The following EPB41L4B variants were observed in gnomAD, a reference collection of about 807,000 sequenced individuals.
The protein encoded by EPB41L4B is band 4.1-like protein 4B.
Under a neutral mutation model 112.5 loss-of-function variants are expected in EPB41L4B, and 30 were observed. That is an observed-to-expected ratio of 0.27 (90% CI 0.20 to 0.36). The LOEUF (loss-of-function observed/expected upper bound fraction) is 0.36, where lower values mean the gene tolerates loss of function less well. Among genes scored for constraint, EPB41L4B ranks in the 10% least tolerant of loss-of-function variants. EPB41L4B has a pLI of 1.00. For synonymous variants in EPB41L4B, 408 were observed against 439.7 expected, an observed-to-expected ratio of 0.93 and a Z score of 0.90; for missense variants, 1,024 against 1,133.3, an observed-to-expected ratio of 0.90 and a Z score of 1.38.
chr9:109,267,475 T>C lies in EPB41L4B; in HGVS notation c.531A>G (p.Thr177=). Reference sequence around the variant, plus strand: ...GCTTGTTCTGCATCGTGGCCTACCTTGTAAACTCCTCACGAAGGTTGTTTG... The same window carrying C: ...GCTTGTTCTGCATCGTGGCCTACCTCGTAAACTCCTCACGAAGGTTGTTTG... ...SEPNNLREEF[T]RYLFVLQLRH... The change falls in exon 4 of 26, where the codon ACA becomes ACG. Residue 177 remains threonine, a splice_region_variant and synonymous_variant. Coordinates refer to ENST00000374566, the MANE Select transcript of EPB41L4B (RefSeq NM_019114.5). The C allele has an allele frequency of 6.2e-7, 1 of 1,611,236 alleles. No individual in the cohort carries two copies. Among genetic ancestry groups the C allele is most frequent in the Non-Finnish European group, 8.5e-7 (1 of 1,177,592 alleles).
At chr9:109,253,191 G>A (rs914582949) in intron 12 of EPB41L4B, among the ~76,000 whole-genome samples, 6 of 152,154 alleles carry the variant, frequency 3.9e-5, no homozygotes, top group African/African-American at 1.4e-4. Context: ...AAGAAGCAAA[G>A]AGGCACATGG....
In EPB41L4B at chr9:109,250,459, A is replaced by C. The variant is rs528889901; in HGVS notation, c.1310+1022T>G. On this transcript the variant is annotated intron_variant, in intron 13 of 25. Coordinates refer to ENST00000374566, the MANE Select transcript of EPB41L4B (RefSeq NM_019114.5). ...TTGAGACCTGCGCCTGGGATGACTG[A>C]GAGCCTAATGAACCTGGCCTACCTA... Among the ~76,000 whole-genome samples the C allele has an allele frequency of 1.4e-4, 22 of 152,328 alleles. 1 individual carries two copies. The South Asian group carries it at 4.4e-3, about 30-fold the overall frequency.
intron 15 of EPB41L4B, chr9:109,240,718 A>G (rs1834324841): frequency 1.0e-6 from 1 of 985,326 alleles, no homozygotes; most frequent in Admixed American, 6.1e-5. Context: ...AGAAAACCTT[A>G]TATGCTTTCA....
chr9:109,260,407 T>C (rs1368479041), intron 6 of EPB41L4B, among the ~76,000 whole-genome samples: 1 of 145,400 alleles, frequency 6.9e-6, no homozygotes, highest in Admixed American at 7.2e-5. Flanking sequence ...CAATCAATTG[T>C]ATCTTTTTTT....
intron 15 of EPB41L4B, among the ~76,000 whole-genome samples, chr9:109,243,284 T>C (rs1175608913): frequency 7.4e-6 from 1 of 135,142 alleles, no homozygotes; most frequent in East Asian, 2.3e-4. Flanking sequence ...CAAGCTTTCA[T>C]CACATTTAAA....
chr9:109,288,176 T>C (rs1836372250), intron 1 of EPB41L4B, among the ~76,000 whole-genome samples: 1 of 152,222 alleles, frequency 6.6e-6, no homozygotes, highest in African/African-American at 2.4e-5. Context: ...CCAGCAGCCT[T>C]GCCTCTGCTG....
intron 1 of EPB41L4B, among the ~76,000 whole-genome samples, chr9:109,318,155 G>A (rs1415730887): frequency 1.3e-5 from 1 of 74,342 alleles, no homozygotes; most frequent in Non-Finnish European, 2.5e-5. Flanking sequence ...ATATACGTGT[G>A]TGTGTGTGTG....
chr9:109,239,531 G>GAA (rs1834279743), intron 15 of EPB41L4B, among the ~76,000 whole-genome samples: 1 of 152,174 alleles, frequency 6.6e-6, no homozygotes, highest in Non-Finnish European at 1.5e-5. Context: ...GTGAGCAGAA[G>GAA]AAAGACCTTT....
chr9:109,271,919 G>A (rs182225569), intron 2 of EPB41L4B, among the ~76,000 whole-genome samples: 6 of 152,312 alleles, frequency 3.9e-5, no homozygotes, highest in African/African-American at 1.4e-4. Context: ...AGATGATCTT[G>A]GCAAGGCCCA....
chr9:109,234,747 A>C (rs1415440409), intron 15 of EPB41L4B, among the ~76,000 whole-genome samples: 4 of 152,144 alleles, frequency 2.6e-5, no homozygotes, highest in Admixed American at 1.3e-4. Flanking sequence ...CATGCCAGCT[A>C]CTCAGGAGGC....
At chr9:109,251,420 A>G in intron 13 of EPB41L4B, 61 bp downstream of exon 13, 1 of 1,517,734 alleles carries the variant, frequency 6.6e-7, no homozygotes, top group South Asian at 1.1e-5. Flanking sequence ...AAAAGTCAAC[A>G]TTGCAAATAA....
intron 7 of EPB41L4B, 137 bp from the exon 8 acceptor site, chr9:109,256,617 T>C: frequency 2.9e-6 from 2 of 695,770 alleles, no homozygotes; most frequent in South Asian, 1.8e-5. Flanking sequence ...TACAAAAAGA[T>C]TCCCAAGACC....
At chr9:109,273,273 G>C (rs1275806926) in intron 2 of EPB41L4B, among the ~76,000 whole-genome samples, 1 of 151,210 alleles carries the variant, frequency 6.6e-6, no homozygotes, top group Non-Finnish European at 1.5e-5. Context: ...TCGAGACAGA[G>C]TCTCGCTCTG....
intron 1 of EPB41L4B, among the ~76,000 whole-genome samples, chr9:109,308,217 G>C (rs1250871555): frequency 6.6e-6 from 1 of 152,028 alleles, no homozygotes; most frequent in African/African-American, 2.4e-5. Context: ...GAGTGAGCTA[G>C]AGGGAGGAAG....
chr9:109,230,337 A>G (rs571613132), intron 15 of EPB41L4B, among the ~76,000 whole-genome samples: 6 of 152,222 alleles, frequency 3.9e-5, no homozygotes, highest in Non-Finnish European at 8.8e-5. Flanking sequence ...GTTTGGAAGG[A>G]GCAATCTAAT....
Position 109,303,043 on chromosome 9 carries a change from T to G in EPB41L4B, c.306+17098A>C, listed in dbSNP as rs145774955. ...CTGCAGTGAGCCACGACCATGCCAA[T>G]GTACTCTAGCCTGGGTGACTGACTG... On this transcript the variant is annotated intron_variant, in intron 1 of 25. Coordinates refer to ENST00000374566, the MANE Select transcript of EPB41L4B (RefSeq NM_019114.5). Among the ~76,000 whole-genome samples, 1,206 of 145,354 alleles carry G rather than the reference T, an allele frequency of 8.3e-3. 12 individuals carry two copies. Among genetic ancestry groups the G allele is most frequent in the African/African-American group, 0.03 (1,148 of 38,910 alleles).
At chr9:109,175,180 G>T (rs192439875) in intron 25 of EPB41L4B, among the ~76,000 whole-genome samples, 1 of 151,948 alleles carries the variant, frequency 6.6e-6, no homozygotes, top group Non-Finnish European at 1.5e-5. Context: ...ACCTCCCAAA[G>T]TGCTAGGATT....
At chr9:109,181,193 G>C (rs1263553874) in intron 24 of EPB41L4B, among the ~76,000 whole-genome samples, 1 of 151,968 alleles carries the variant, frequency 6.6e-6, no homozygotes, top group Admixed American at 6.6e-5. Context: ...GTAGGGACAG[G>C]GTCTCTCTAT....
intron 18 of EPB41L4B, 140 bp downstream of exon 18, chr9:109,207,784 A>G (rs1336468900): frequency 2.1e-5 from 21 of 991,876 alleles, no homozygotes; most frequent in South Asian, 8.4e-5. Flanking sequence ...CATATCAGGT[A>G]TGGTTCACAT....
Sources: allele counts gnomAD v4.1 joint callset (sites outside exome capture counted in the v4.1 genomes callset), GRCh38; gene constraint gnomAD v4.1.1; transcripts MANE v1.5; gene names NCBI Gene and HGNC (gene_info 2026-07-23, HGNC 2026-07-21).